RCHY1: variants seen among roughly 807,000 people sequenced by gnomAD.
RCHY1 encodes the protein RING finger and CHY zinc finger domain-containing protein 1.
In RCHY1, 21 loss-of-function variants were observed where a neutral mutation model predicts 41.6. The ratio of observed to expected loss-of-function variants is 0.51; its 90% confidence interval spans 0.36 to 0.73. The LOEUF is 0.73. Among genes scored for constraint, RCHY1 ranks in the 30% least tolerant of loss-of-function variants. The probability of loss-of-function intolerance (pLI) is 0.00; values close to 1 mark genes in which losing one functional copy is unlikely to be tolerated. For synonymous variants in RCHY1, 79 were observed against 102.9 expected, an observed-to-expected ratio of 0.77 and a Z score of 1.41; for missense variants, 265 against 325.3, an observed-to-expected ratio of 0.81 and a Z score of 1.43.
chr4:75,489,267 G>A (rs995826703), intron 8 of RCHY1, among the ~76,000 whole-genome samples: 1 of 152,148 alleles, frequency 6.6e-6, no homozygotes, highest in African/African-American at 2.4e-5. Flanking sequence ...TCTGCTACCT[G>A]ATGGGCCATT....
chr4:75,496,535 T>C (rs890592861), intron 3 of RCHY1, among the ~76,000 whole-genome samples: 1 of 152,054 alleles, frequency 6.6e-6, no homozygotes, highest in Non-Finnish European at 1.5e-5. Context: ...ATGAGAACAG[T>C]ACTACTCACA....
intron 3 of RCHY1, among the ~76,000 whole-genome samples, chr4:75,503,058 C>A (rs116406288): frequency 6.6e-6 from 1 of 152,072 alleles, no homozygotes; most frequent in South Asian, 2.1e-4. Context: ...AGGTTCTCCA[C>A]CTAGGCAATA....
chr4:75,497,719 A>C (rs930447536), intron 3 of RCHY1, among the ~76,000 whole-genome samples: 1 of 152,154 alleles, frequency 6.6e-6, no homozygotes, highest in Admixed American at 6.6e-5. Context: ...AGGACCGAAA[A>C]AACATCTGAA....
chr4:75,483,514 G>T (rs1721711287), intron 8 of RCHY1, among the ~76,000 whole-genome samples: 1 of 152,088 alleles, frequency 6.6e-6, no homozygotes, highest in African/African-American at 2.4e-5. Context: ...AAATTGTGGT[G>T]ATGTTTGCAT....
Position 75,490,494 on chromosome 4 carries a change from T to TAC in RCHY1, c.657+86_657+87insGT, listed in dbSNP as rs372325516. 4 of 711,340 alleles carry TAC rather than the reference T, an allele frequency of 5.6e-6. No homozygotes were observed. In the African/African-American group the frequency reaches 1.1e-4, roughly 19 times the overall value. The allele number at this position is 711,340 out of a possible 1,614,324, so 44.1% of individuals were successfully genotyped here. A position where few individuals can be genotyped will look rare whatever the true frequency, so the allele number is the denominator to read the frequency against. Reference sequence around the variant, plus strand: ...TCTGTGTCAAACCAGTATATATATATTTTTTTTTTGGCAAATTCAAGCAGG... The same window carrying TAC: ...TCTGTGTCAAACCAGTATATATATATACTTTTTTTTTGGCAAATTCAAGCAGG... On this transcript the variant is annotated intron_variant, in intron 8 of 8. Transcript: ENST00000324439.
chr4:75,489,946 T>C (rs576896790), intron 8 of RCHY1, among the ~76,000 whole-genome samples: 49 of 152,264 alleles, frequency 3.2e-4, no homozygotes, highest in Non-Finnish European at 5.1e-4. Flanking sequence ...ATGAGAGACC[T>C]TAAGACAAAG....
intron 1 of RCHY1, among the ~76,000 whole-genome samples, chr4:75,513,705 T>A (rs1725207334): frequency 2.0e-5 from 3 of 152,208 alleles, no homozygotes. Context: ...ATTACATGAT[T>A]GTCTTCTTTT....
intron 3 of RCHY1, among the ~76,000 whole-genome samples, chr4:75,497,336 C>A (rs1174234017): frequency 2.6e-5 from 4 of 152,148 alleles, no homozygotes; most frequent in Admixed American, 1.3e-4. Context: ...CCTACAGTAA[C>A]CTACTCTAGT....
chr4:75,509,422 G>T, intron 1 of RCHY1, 126 bp from the exon 2 acceptor site: 1 of 751,330 alleles, frequency 1.3e-6, no homozygotes, highest in Non-Finnish European at 2.1e-6. Flanking sequence ...TAGATCAGTT[G>T]CTAAACTGAT....
At chr4:75,487,528 A>AATATATATATTCATAATATAT (rs376115200) in intron 8 of RCHY1, among the ~76,000 whole-genome samples, 4 of 72,732 alleles carry the variant, frequency 5.5e-5, no homozygotes, top group Non-Finnish European at 8.9e-5. Flanking sequence ...ATATATTCAT[A>AATATATATATTCATAATATAT]ATATATTCAT....
chr4:75,486,828 A>T (rs1430697779), intron 8 of RCHY1, among the ~76,000 whole-genome samples: 2 of 152,076 alleles, frequency 1.3e-5, no homozygotes, highest in East Asian at 3.9e-4. Context: ...AAAGTACAAA[A>T]ATTAGCCAGG....
intron 3 of RCHY1, among the ~76,000 whole-genome samples, chr4:75,499,376 A>G (rs1297487969): frequency 6.6e-6 from 1 of 152,228 alleles, no homozygotes; most frequent in East Asian, 1.9e-4. Context: ...AGAGTCCTCA[A>G]AAAGACTAAA....
At chr4:75,487,573 T>C (rs1722192553) in intron 8 of RCHY1, among the ~76,000 whole-genome samples, 1 of 91,442 alleles carries the variant, frequency 1.1e-5, no homozygotes, top group Non-Finnish European at 1.9e-5. Context: ...ATAATATATA[T>C]ATTCATATAT....
chr4:75,498,258 C>T (rs1560522219), intron 3 of RCHY1, among the ~76,000 whole-genome samples: 1 of 151,608 alleles, frequency 6.6e-6, no homozygotes, highest in Non-Finnish European at 1.5e-5. Context: ...CACATCCAAC[C>T]TTCTGAGATT....
rs1447017837 is a variant in RCHY1, at chr4:75,514,267, TC to T, written c.19del (p.Glu7LysfsTer23). The T allele has an allele frequency of 6.2e-7, 1 of 1,612,422 alleles. No homozygotes were observed. Among genetic ancestry groups the T allele is most frequent in the Non-Finnish European group, 8.5e-7 (1 of 1,178,754 alleles). On this transcript the variant is annotated frameshift_variant, in exon 1 of 9. Transcript: ENST00000324439. LOFTEE classifies it high-confidence loss of function. The part of the protein sequence containing the change: MAATAR[E>X]DGASGQERGQ... ...TCGCTCTTGACCGCTGGCGCCATCTTCCCGGGCCGTCGCCGCCATCTCCTCC... is the reference window on the plus strand; with the variant it reads ...TCGCTCTTGACCGCTGGCGCCATCTTCCGGGCCGTCGCCGCCATCTCCTCC...
rs745362720 is a variant in RCHY1, at chr4:75,491,738, T to A, written c.495A>T (p.Gly165=). ...TGTTACTTTACCTATGTAAAAGATG[T>A]CCACATGGCAAGACATGAGCAACAA... ...SRVVAHVLPC[G]HLLHRTCYEE... is the part of the protein sequence containing the mutation. The change falls in exon 6 of 9, where the codon GGA becomes GGT. Residue 165 remains glycine, a synonymous_variant. Coordinates refer to ENST00000324439, the MANE Select transcript of RCHY1 (RefSeq NM_015436.4). The A allele has an allele frequency of 3.7e-6, 6 of 1,612,826 alleles. No individual in the cohort carries two copies. Among genetic ancestry groups the A allele is most frequent in the Non-Finnish European group, 5.1e-6 (6 of 1,179,214 alleles).
At chr4:75,490,493 A>ATTT in intron 8 of RCHY1, 88 bp downstream of exon 8, 3 of 843,970 alleles carry the variant, frequency 3.6e-6, no homozygotes, top group Admixed American at 2.6e-5. Context: ...GTATATATAT[A>ATTT]TTTTTTTTTT....
intron 3 of RCHY1, among the ~76,000 whole-genome samples, chr4:75,500,591 A>G (rs941584663): frequency 2.6e-5 from 4 of 152,310 alleles, no homozygotes; most frequent in African/African-American, 7.2e-5. Context: ...GAAGCACTTG[A>G]ATTGCTTACA....
chr4:75,509,039 G>A, intron 2 of RCHY1, 104 bp from the exon 3 acceptor site: 1 of 1,165,284 alleles, frequency 8.6e-7, no homozygotes, highest in Non-Finnish European at 1.2e-6. Flanking sequence ...ATTTTTATAA[G>A]TTTTGAAACA....
Sources: gnomAD v4.1 joint callset for allele counts (sites outside exome capture counted in the v4.1 genomes callset) on GRCh38, gnomAD v4.1.1 for gene constraint, MANE v1.5 for transcripts, NCBI Gene and HGNC (gene_info 2026-07-23, HGNC 2026-07-21) for gene names.